CNOT1: variants seen among roughly 807,000 people sequenced by gnomAD.
CNOT1 encodes the protein CCR4-associated factor 1.
A neutral mutation model predicts 273.8 loss-of-function variants in CNOT1; 15 were observed. The ratio of observed to expected loss-of-function variants is 0.05; its 90% CI spans 0.04 to 0.08. The LOEUF is 0.08. CNOT1 is among the 10% of genes least tolerant of loss of function. The pLI, the probability that CNOT1 is intolerant of heterozygous loss-of-function variation, is 1.00. For missense variants in CNOT1, 1,644 were observed against 2,912.2 expected, an observed-to-expected ratio of 0.56 and a Z score of 10.02; for synonymous variants, 1,022 against 1,005.5, an observed-to-expected ratio of 1.02 and a Z score of -0.31.
intron 20 of CNOT1, 57 bp downstream of exon 20, chr16:58,555,727 G>C: frequency 1.9e-6 from 3 of 1,602,390 alleles, no homozygotes; most frequent in Non-Finnish European, 2.6e-6. Context: ...CATTGAAAAG[G>C]ACATTTATTT....
rs753114478 is a variant in CNOT1, at chr16:58,586,582, T to C, written c.600A>G (p.Gln200=). 2 of 1,612,278 alleles carry C rather than the reference T, an allele frequency of 1.2e-6. No individual in the cohort carries two copies. The highest frequency in any genetic ancestry group is 1.3e-5 in the African/African-American group (1 of 74,730). The change falls in exon 7 of 49, where the codon CAA becomes CAG. Residue 200 remains glutamine, a synonymous_variant. Transcript: ENST00000317147. ...FGQKGAFGVG[Q]EQIDAFLKTL... is the part of the protein sequence containing the mutation. ...TCTTAAGAAAAGCGTCTATCTGTTC[T>C]TGTCCAACTCCAAAGGCTCCCTTCT...
At chr16:58,594,053 T>A (rs1034673527) in intron 2 of CNOT1, among the ~76,000 whole-genome samples, 2 of 152,118 alleles carry the variant, frequency 1.3e-5, no homozygotes, top group South Asian at 4.1e-4. Flanking sequence ...AAAACCAGCC[T>A]GACCAATATG....
chr16:58,543,845 C>T lies in CNOT1; in HGVS notation c.4196G>A (p.Arg1399Gln). Residue 1399 changes from arginine to glutamine, a missense_variant, in exon 31 of 49, where the codon CGG becomes CAG. Physicochemically the swap from Arg to Gln is conservative, Grantham distance 43 (BLOSUM62 1). Around this residue, in one of 13 missense-constraint regions of CNOT1, gnomAD observed 133 missense variants for 230.4 expected, o/e 0.58. Transcript: ENST00000317147. Reference sequence around the variant, plus strand: ...AGGATGGACCAGCTCCTGGACAGCCCGTTCAATTGCCTGACGCACACACTG... The same window carrying T: ...AGGATGGACCAGCTCCTGGACAGCCTGTTCAATTGCCTGACGCACACACTG... Reference protein sequence around the residue: ...LKQCVRQAIERAVQELVHPVV... With the variant: ...LKQCVRQAIEQAVQELVHPVV... 1 of 1,614,040 alleles carries T rather than the reference C, an allele frequency of 6.2e-7. No individual in the cohort carries two copies. The highest frequency in any genetic ancestry group is 8.5e-7 in the Non-Finnish European group (1 of 1,180,006).
At chr16:58,572,316 C>T (rs1030301795) in intron 16 of CNOT1, among the ~76,000 whole-genome samples, 5 of 151,794 alleles carry the variant, frequency 3.3e-5, no homozygotes, top group African/African-American at 4.8e-5. Context: ...CTTCTGTACT[C>T]CACTTTCAAT....
chr16:58,542,664 T>C lies in CNOT1; in HGVS notation c.4435-96A>G, dbSNP rs565718738. 3.0e-5 allele frequency: 45 copies of C among 1,500,770 alleles called. No homozygotes were observed. In the East Asian group the frequency reaches 7.1e-4, roughly 24 times the overall value. 93.0% of individuals were successfully genotyped at this position (1,500,770 alleles called of 1,614,324 possible). A position where few individuals can be genotyped will look rare whatever the true frequency, so the allele number is the denominator to read the frequency against. ...CAGGATAGTAGAAAATGCAGTGCATTTGGCAAATGCATTTTAAGTTCTGAC... is the reference window on the plus strand; with the variant it reads ...CAGGATAGTAGAAAATGCAGTGCATCTGGCAAATGCATTTTAAGTTCTGAC... On this transcript the variant is annotated intron_variant, in intron 31 of 48. Transcript: ENST00000317147.
chr16:58,522,147 G>A (rs985452266), intron 47 of CNOT1, among the ~76,000 whole-genome samples: 1 of 145,840 alleles, frequency 6.9e-6, no homozygotes. Flanking sequence ...GTGAAACCCC[G>A]TCTCTACTAA....
intron 39 of CNOT1, among the ~76,000 whole-genome samples, chr16:58,535,268 T>C (rs890054869): frequency 8.5e-5 from 13 of 152,198 alleles, no homozygotes; most frequent in African/African-American, 4.8e-5. Context: ...ACTGAACTGG[T>C]TGGACTACGA....
At chr16:58,531,487 A>G (rs1375737567) in intron 42 of CNOT1, among the ~76,000 whole-genome samples, 3 of 147,370 alleles carry the variant, frequency 2.0e-5, no homozygotes, top group African/African-American at 4.9e-5. Flanking sequence ...TTAGTTTGAG[A>G]GCCTTCCGCA....
intron 13 of CNOT1, among the ~76,000 whole-genome samples, chr16:58,578,427 T>C (rs2041539310): frequency 2.2e-5 from 3 of 135,000 alleles, no homozygotes; most frequent in African/African-American, 8.6e-5. Flanking sequence ...CACTCCAGCC[T>C]GGGCGACAGA....
chr16:58,619,934 G>A (rs8058781), intron 1 of CNOT1, among the ~76,000 whole-genome samples: 7,513 of 152,128 alleles, frequency 0.049, 251 homozygotes, highest in Middle Eastern at 0.086. Context: ...ACTAGAGATA[G>A]TCATGATATT....
intron 1 of CNOT1, among the ~76,000 whole-genome samples, chr16:58,617,420 G>A (rs183680720): frequency 6.6e-6 from 1 of 151,890 alleles, no homozygotes; most frequent in African/African-American, 2.4e-5. Flanking sequence ...GGACAATACA[G>A]GCTGAGCATC....
rs770934668 is a variant in CNOT1 at position 58,542,585 on chromosome 16, GT to G, written c.4435-18del. ...GGAAGCAGTCTATTAATGGAGGTGGGTGGGGGGGTGGGGGGAATAGAAGGAA... is the reference window on the plus strand; with the variant it reads ...GGAAGCAGTCTATTAATGGAGGTGGGGGGGGGGTGGGGGGAATAGAAGGAA... On this transcript the variant is annotated intron_variant, in intron 31 of 48. Transcript: ENST00000317147. 6.5e-7 allele frequency: 1 copy of G among 1,542,266 alleles called. No homozygotes were observed. Among genetic ancestry groups the G allele is most frequent in the South Asian group, 1.2e-5 (1 of 86,768 alleles).
rs1567396193 is a variant in CNOT1, at chr16:58,543,609, G to A, written c.4432C>T (p.Arg1478Cys). Residue 1478 changes from arginine to cysteine, a missense_variant and splice_region_variant, in exon 31 of 49, where the codon CGT becomes TGT. Arg to Cys is a radical substitution (Grantham distance 180). This residue lies in a region of CNOT1 where 133 missense variants were observed against 230.4 expected (regional missense o/e 0.58). Coordinates refer to ENST00000317147, the MANE Select transcript of CNOT1 (RefSeq NM_016284.5). ...NLKNSFASAL[R>C]TASPQQREMM... The stretch of plus-strand genomic sequence containing the variant: ...TACCAAGGAAATAGCCAACTTACAC[G>A]AAGGGCTGAGGCAAAACTGTTTTTT... 1.9e-6 allele frequency: 3 copies of A among 1,614,154 alleles called. No homozygotes were observed. Among genetic ancestry groups the A allele is most frequent in the Non-Finnish European group, 2.5e-6 (3 of 1,180,020 alleles).
intron 17 of CNOT1, among the ~76,000 whole-genome samples, chr16:58,559,618 C>T (rs7201946): frequency 0.36 from 54,743 of 152,052 alleles, 10,920 homozygotes; most frequent in Non-Finnish European, 0.46. Flanking sequence ...CTACTTCATA[C>T]CTTCATGGCT....
At chr16:58,521,358 T>A (rs1567381298) in intron 47 of CNOT1, 41 bp from the exon 48 acceptor site, 1 of 1,554,026 alleles carries the variant, frequency 6.4e-7, no homozygotes, top group Admixed American at 2.1e-5. Context: ...TATAGAAGCA[T>A]ACAAATTCAT....
intron 2 of CNOT1, among the ~76,000 whole-genome samples, chr16:58,593,338 T>C (rs12918465): frequency 0.049 from 7,513 of 152,142 alleles, 251 homozygotes; most frequent in Middle Eastern, 0.088. Context: ...GGCAGGCAGA[T>C]CACCTGAGGT....
At chr16:58,623,653 C>T (rs921135641) in intron 1 of CNOT1, among the ~76,000 whole-genome samples, 10 of 152,158 alleles carry the variant, frequency 6.6e-5, no homozygotes, top group African/African-American at 1.9e-4. Context: ...ACTTCTCCTA[C>T]GCACCTCCTC....
intron 16 of CNOT1, among the ~76,000 whole-genome samples, chr16:58,573,952 T>C (rs182878712): frequency 6.6e-6 from 1 of 152,058 alleles, no homozygotes; most frequent in East Asian, 1.9e-4. Context: ...ATCAACAGAA[T>C]TAAGAAACCA....
At chr16:58,614,557 C>T (rs2043011811) in intron 1 of CNOT1, among the ~76,000 whole-genome samples, 1 of 125,190 alleles carries the variant, frequency 8.0e-6, no homozygotes, top group South Asian at 2.4e-4. Flanking sequence ...CACGTGCTGT[C>T]GCAACTCCAT....
Sources: allele counts gnomAD v4.1 joint callset (sites outside exome capture counted in the v4.1 genomes callset), GRCh38; gene constraint gnomAD v4.1.1; regional missense constraint gnomAD v4.1.1; transcripts MANE v1.5; gene names NCBI Gene and HGNC (gene_info 2026-07-23, HGNC 2026-07-21).